Variants in HDAC9 observed in about 807,000 individuals in gnomAD.
The protein encoded by HDAC9 is histone deacetylase 9.
Under a neutral mutation model 139.4 loss-of-function variants are expected in HDAC9, and 41 were observed. The ratio of observed to expected loss-of-function variants is 0.29; its 90% CI spans 0.23 to 0.38. The LOEUF is 0.38. Ranked by LOEUF, HDAC9 falls within the 10% of genes least tolerant of loss-of-function variation. The probability of loss-of-function intolerance (pLI) is 1.00; values close to 1 mark genes in which losing one functional copy is unlikely to be tolerated. For synonymous variants in HDAC9, 517 were observed against 476.2 expected (o/e 1.09, Z -1.12); for missense variants, 1,147 against 1,297.0 (o/e 0.88, Z 1.78).
At chr7:18,440,604 G>A (rs1430094445) in intron 1 of HDAC9, among the ~76,000 whole-genome samples, 2 of 152,082 alleles carry the variant, frequency 1.3e-5, no homozygotes, top group African/African-American at 2.4e-5. Context: ...TTTAATCTCT[G>A]TTCTTGTTTC....
chr7:18,910,591 G>A (rs1157663315), intron 22 of HDAC9, among the ~76,000 whole-genome samples: 2 of 151,968 alleles, frequency 1.3e-5, no homozygotes, highest in Non-Finnish European at 2.9e-5. Context: ...GAATAAGAAT[G>A]GTGAAAGTTA....
intron 2 of HDAC9, among the ~76,000 whole-genome samples, chr7:18,193,917 G>T (rs1003660733): frequency 1.3e-5 from 2 of 152,116 alleles, no homozygotes; most frequent in Admixed American, 1.3e-4. Context: ...TTTGTGCAAA[G>T]CATATTATTC....
chr7:18,985,565 A>T (rs561202743), intron 25 of HDAC9, among the ~76,000 whole-genome samples: 9 of 151,358 alleles, frequency 5.9e-5, no homozygotes, highest in African/African-American at 1.9e-4. Context: ...CATGATTTAT[A>T]GTCCTTTGGG....
chr7:18,365,270 GATCT>G (rs1784090459), intron 1 of HDAC9, among the ~76,000 whole-genome samples: 1 of 152,050 alleles, frequency 6.6e-6, no homozygotes, highest in Non-Finnish European at 1.5e-5. Context: ...ATAAATTTTA[GATCT>G]AGTGTGAACT....
intron 11 of HDAC9, among the ~76,000 whole-genome samples, chr7:18,651,354 T>C (rs1056616051): frequency 3.3e-5 from 5 of 152,188 alleles, no homozygotes; most frequent in Non-Finnish European, 5.9e-5. Flanking sequence ...CATGAAGATG[T>C]TGACATACAA....
chr7:18,934,968 C>CA (rs1201051805), intron 22 of HDAC9, among the ~76,000 whole-genome samples: 2 of 151,696 alleles, frequency 1.3e-5, no homozygotes, highest in Non-Finnish European at 2.9e-5. Context: ...TACTAGACAG[C>CA]AAAAAAACTA....
intron 16 of HDAC9, among the ~76,000 whole-genome samples, chr7:18,791,129 T>A (rs191151677): frequency 3.2e-4 from 48 of 152,302 alleles, no homozygotes; most frequent in African/African-American, 1.1e-3. Context: ...GCTGCTGGAA[T>A]GTTTTTCTAA....
chr7:18,824,044 G>GGAAGAGGAGGAAGAAGAA (rs71309048), intron 17 of HDAC9, among the ~76,000 whole-genome samples: 2,264 of 67,066 alleles, frequency 0.034, 60 homozygotes, highest in Non-Finnish European at 0.054. Flanking sequence ...AAGAGGAAGA[G>GGAAGAGGAGGAAGAAGAA]GAAGAAGAAG....
At chr7:18,727,797 A>C (rs547384132) in intron 13 of HDAC9, 40 bp downstream of exon 13, 5 of 1,377,332 alleles carry the variant, frequency 3.6e-6, no homozygotes, top group Non-Finnish European at 4.8e-6. Flanking sequence ...GGCAGGCTAA[A>C]TGCCCCGTTC....
intron 12 of HDAC9, among the ~76,000 whole-genome samples, chr7:18,683,308 C>T (rs538237079): frequency 2.0e-5 from 3 of 152,122 alleles, no homozygotes; most frequent in Non-Finnish European, 4.4e-5. Flanking sequence ...AATACAGTGT[C>T]GTTTGTGCCA....
intron 8 of HDAC9, among the ~76,000 whole-genome samples, chr7:18,641,557 A>G (rs1213742709): frequency 6.6e-6 from 1 of 152,112 alleles, no homozygotes; most frequent in Non-Finnish European, 1.5e-5. Flanking sequence ...TACATTTACT[A>G]TATTCATTTT....
intron 2 of HDAC9, among the ~76,000 whole-genome samples, chr7:18,278,429 AG>A (rs1166810325): frequency 6.6e-6 from 1 of 152,236 alleles, no homozygotes; most frequent in Non-Finnish European, 1.5e-5. Flanking sequence ...GAGTTTAAAT[AG>A]TATAAATAGC....
chr7:18,516,862 GAAAA>G (rs35689821), intron 2 of HDAC9, among the ~76,000 whole-genome samples: 7 of 55,090 alleles, frequency 1.3e-4, no homozygotes, highest in Admixed American at 2.0e-4. Flanking sequence ...CTCCATTTCA[GAAAA>G]AAAAAAAAAA....
rs945573238 is a variant in HDAC9, at chr7:18,591,593, A to G, written c.493A>G (p.Thr165Ala). 9.9e-6 allele frequency: 16 copies of G among 1,613,398 alleles called. No individual in the cohort carries two copies. Among genetic ancestry groups the G allele is most frequent in the East Asian group, 2.2e-5 (1 of 44,878 alleles). Residue 165 changes from threonine (T) to alanine (A), a missense_variant, in exon 5 of 26, where the codon ACT becomes GCT. Physicochemically the swap from Thr to Ala is moderately conservative, Grantham distance 58 (BLOSUM62 0). Coordinates refer to ENST00000686413, the MANE Select transcript of HDAC9 (RefSeq NM_178425.4). ...LSKSATKDTP[T>A]NGKNHSVSRH... is the part of the protein sequence containing the mutation. ...TAAATCAGCAACGAAAGACACTCCA[A>G]CTAATGGAAAAAATCATTCCGTGAG...
rs913236842 is a variant in HDAC9 at position 18,732,627 on chromosome 7, G to A, written c.1909+4870G>A. Among the ~76,000 whole-genome samples, 26 of 134,838 alleles carry A rather than the reference G, an allele frequency of 1.9e-4. 5 individuals carry two copies. Among genetic ancestry groups the A allele is most frequent in the Non-Finnish European group, 3.8e-4 (24 of 63,838 alleles). The allele number at this position is 134,838 out of a possible 152,430, so 88.5% of individuals were successfully genotyped here. Reference sequence around the variant, plus strand: ...TGTGCATATGTGTATATACACACACGTGTATATGTGTGCATATGTGTATAT... The same window carrying A: ...TGTGCATATGTGTATATACACACACATGTATATGTGTGCATATGTGTATAT... On this transcript the variant is annotated intron_variant, in intron 13 of 25. Transcript: ENST00000686413.
intron 13 of HDAC9, among the ~76,000 whole-genome samples, chr7:18,746,178 T>C (rs887568423): frequency 6.6e-6 from 1 of 152,194 alleles, no homozygotes; most frequent in Admixed American, 6.5e-5. Flanking sequence ...GCCAAAAATA[T>C]ATTTTCAAAA....
rs79347118 is a variant in HDAC9 at position 18,814,058 on chromosome 7, G to A, written c.2323-15103G>A. Among the ~76,000 whole-genome samples the A allele has an allele frequency of 1.0e-3, 152 of 152,262 alleles. 2 individuals carry two copies. The East Asian group carries it at 0.02, about 20-fold the overall frequency. On this transcript the variant is annotated intron_variant, in intron 17 of 25. Transcript: ENST00000686413. The stretch of plus-strand genomic sequence containing the variant: ...TTCATCTGGCTCTTGGCTTCAGACT[G>A]TCGGGATTTCATTACTTATATATGC...
chr7:18,527,327 C>G (rs1807275359), intron 2 of HDAC9, among the ~76,000 whole-genome samples: 1 of 151,946 alleles, frequency 6.6e-6, no homozygotes, highest in South Asian at 2.1e-4. Context: ...TCAATTTTAC[C>G]TTCTTTGTTT....
At chr7:18,500,194 C>T (rs1798010705) in intron 2 of HDAC9, among the ~76,000 whole-genome samples, 1 of 151,968 alleles carries the variant, frequency 6.6e-6, no homozygotes, top group South Asian at 2.1e-4. Flanking sequence ...GTAAGAAAAT[C>T]CAATAAAACC....
Sources: allele counts gnomAD v4.1 joint callset (sites outside exome capture counted in the v4.1 genomes callset), GRCh38; gene constraint gnomAD v4.1.1; transcripts MANE v1.5; gene names NCBI Gene and HGNC (gene_info 2026-07-23, HGNC 2026-07-21).